Variants in HCFC1 observed in about 807,000 individuals in gnomAD.
The protein encoded by HCFC1 is host cell factor 1.
HCFC1 carries 7 observed loss-of-function variants against 105.5 expected under a neutral mutation model. The ratio of observed to expected loss-of-function variants is 0.07; its 90% CI spans 0.04 to 0.12. The LOEUF is 0.12. Among genes scored for constraint, HCFC1 ranks in the 10% least tolerant of loss-of-function variants. HCFC1 has a pLI of 1.00. For missense variants in HCFC1, 1,065 were observed against 1,823.6 expected, an observed-to-expected ratio of 0.58 and a Z score of 7.58; for synonymous variants, 918 against 828.1, an observed-to-expected ratio of 1.11 and a Z score of -1.86.
intron 16 of HCFC1, 47 bp from the exon 17 acceptor site, chrX:153,955,589 T>A (rs1257058656): frequency 8.9e-7 from 1 of 1,118,269 alleles, no homozygotes; most frequent in African/African-American, 1.8e-5. Flanking sequence ...GCTGGCTGTC[T>A]GCCTGTCCCT....
intron 14 of HCFC1, 49 bp downstream of exon 14, chrX:153,956,869 G>A: frequency 8.3e-7 from 1 of 1,205,587 alleles, no homozygotes. Flanking sequence ...GCGTGCTGGG[G>A]TGGACTGCAC....
intron 2 of HCFC1, 53 bp downstream of exon 2, chrX:153,964,525 C>T (rs1274939134): frequency 3.5e-6 from 4 of 1,141,037 alleles, no homozygotes; most frequent in East Asian, 3.1e-5. Flanking sequence ...AAGCCACTAC[C>T]GTCAGGTCAC....
At position 153,956,788 on chromosome X, in the gene HCFC1, CCAA is replaced by C. The variant is rs782085481; in HGVS notation, c.2497-28_2497-26del. ...CCTGGAACACCAGAGGAAAGTGCCA[CCAA>C]CGTCACCACCAGGCTGGTAGATGCC... On this transcript the variant is annotated intron_variant, in intron 14 of 25. Transcript: ENST00000310441. 31 of 1,208,070 alleles carry C rather than the reference CCAA, an allele frequency of 2.6e-5. No homozygotes were observed. The South Asian group carries it at 5.1e-4, about 20-fold the overall frequency.
chrX:153,956,437 G>A (rs2065377612), intron 15 of HCFC1, 26 bp from the exon 16 acceptor site: 2 of 1,176,348 alleles, frequency 1.7e-6, no homozygotes, highest in Non-Finnish European at 1.2e-6. Flanking sequence ...CAAGAGTTGG[G>A]CCAAGGCTGC....
At chrX:153,965,519 C>A (rs1288491019) in intron 1 of HCFC1, among the ~76,000 whole-genome samples, 1 of 112,909 alleles carries the variant, frequency 8.9e-6, no homozygotes, top group Non-Finnish European at 1.9e-5. Flanking sequence ...CAGGCCAGGG[C>A]TTCCCCGAAA....
chrX:153,958,446 G>A (rs2065398765), intron 10 of HCFC1, 123 bp downstream of exon 10: 2 of 726,569 alleles, frequency 2.8e-6, no homozygotes, highest in Non-Finnish European at 4.2e-6. Context: ...TCTCACCTGA[G>A]GCCATGACGC....
rs782747432 is a variant in HCFC1 at position 153,971,394 on chromosome X, C to A, written c.-554G>T. 4 of 293,160 alleles carry A rather than the reference C, an allele frequency of 1.4e-5. No individual in the cohort carries two copies. Among genetic ancestry groups the A allele is most frequent in the Non-Finnish European group, 2.4e-5 (4 of 168,391 alleles). 24.2% of individuals were successfully genotyped at this position (293,160 alleles called of 1,213,427 possible). ...GAGACCGTCCCGCTTCCCCGCCCAGCGCCTTAGTGCAGCCGCCGCTCCCGA... is the reference window on the plus strand; with the variant it reads ...GAGACCGTCCCGCTTCCCCGCCCAGAGCCTTAGTGCAGCCGCCGCTCCCGA... On this transcript the variant is annotated 5_prime_UTR_variant, in exon 1 of 26. Transcript: ENST00000310441.
chrX:153,965,826 G>C (rs1254784116), intron 1 of HCFC1, among the ~76,000 whole-genome samples: 2 of 112,719 alleles, frequency 1.8e-5, no homozygotes, highest in African/African-American at 6.5e-5. Flanking sequence ...AGTGTTGTGA[G>C]ACCATAGAAG....
chrX:153,957,118 C>T, intron 13 of HCFC1, 58 bp from the exon 14 acceptor site: 1 of 1,147,180 alleles, frequency 8.7e-7, no homozygotes, highest in Non-Finnish European at 1.2e-6. Context: ...CCCCTGCTGC[C>T]CCTAGACTAT....
rs1557112557 is a variant in HCFC1 at position 153,951,699 on chromosome X, G to C, written c.5269C>G (p.Pro1757Ala). The C allele has an allele frequency of 2.5e-6, 3 of 1,207,179 alleles. No individual in the cohort carries two copies. The highest frequency in any genetic ancestry group is 3.4e-6 in the Non-Finnish European group (3 of 893,152). ...TGGGGGGCCACAAATGTGTTGGATGGAGCCAGGCCTAGGAAGAAAGAAGGT... is the reference window on the plus strand; with the variant it reads ...TGGGGGGCCACAAATGTGTTGGATGCAGCCAGGCCTAGGAAGAAAGAAGGT... ...LPSTATESLA[P>A]SNTFVAPQPV... Residue 1757 changes from proline to alanine, a missense_variant, in exon 21 of 26, where the codon CCA becomes GCA. Physicochemically the swap from Pro to Ala is conservative, Grantham distance 27. Transcript: ENST00000310441.
intron 8 of HCFC1, 137 bp from the exon 9 acceptor site, chrX:153,959,628 AT>A: frequency 2.1e-6 from 2 of 953,462 alleles, no homozygotes; most frequent in Non-Finnish European, 2.9e-6. Flanking sequence ...GAGAGTGACC[AT>A]TTCCACAGGT....
chrX:153,964,091 C>CG, intron 3 of HCFC1, 33 bp downstream of exon 3: 2 of 1,165,915 alleles, frequency 1.7e-6, no homozygotes, highest in South Asian at 1.9e-5. Context: ...CACACCCACC[C>CG]GGGGGGTTCC....
In HCFC1 at chrX:153,970,848, G is replaced by A. The variant is rs782028319; in HGVS notation, c.-8C>T. 4.4e-6 allele frequency: 5 copies of A among 1,148,187 alleles called. No individual in the cohort carries two copies. The highest frequency in any genetic ancestry group is 5.8e-6 in the Non-Finnish European group (5 of 866,204). The allele number at this position is 1,148,187 out of a possible 1,213,427, so 94.6% of individuals were successfully genotyped here. A position where few individuals can be genotyped will look rare whatever the true frequency, so the allele number is the denominator to read the frequency against. ...CGACACGGCCGAAGCCATAGTTCCG[G>A]GAAAGGGTGCGGTGGGGAGAAGTCA... On this transcript the variant is annotated 5_prime_UTR_variant, in exon 1 of 26. Transcript: ENST00000310441.
rs1557114042 is a variant in HCFC1 at position 153,954,733 on chromosome X, G to A, written c.3666C>T (p.Ser1222=). ...CCGCAGGAAGGTCCTTAATGCTTGGGCTGCTCAGCCTGACTTTGCTGCTCA... is the reference window on the plus strand; with the variant it reads ...CCGCAGGAAGGTCCTTAATGCTTGGACTGCTCAGCCTGACTTTGCTGCTCA... ...APLSSKVRLS[S]PSIKDLPAGR... Residue 1222 remains serine, a synonymous_variant, in exon 17 of 26, where the codon AGC becomes AGT. Transcript: ENST00000310441. 7 of 1,181,796 alleles carry A rather than the reference G, an allele frequency of 5.9e-6. No individual in the cohort carries two copies. The Admixed American group carries it at 1.5e-4, about 25-fold the overall frequency.
chrX:153,970,937 C>A lies in HCFC1; in HGVS notation c.-97G>T. On this transcript the variant is annotated 5_prime_UTR_variant, in exon 1 of 26. Coordinates refer to ENST00000310441, the MANE Select transcript of HCFC1 (RefSeq NM_005334.3). ...CCCCTTTCGTCTAAGGCAGCTCTCACGGAGAAGCGGTTTCTCACACAGCGG... is the reference window on the plus strand; with the variant it reads ...CCCCTTTCGTCTAAGGCAGCTCTCAAGGAGAAGCGGTTTCTCACACAGCGG... The A allele has an allele frequency of 4.0e-6, 3 of 746,686 alleles. No homozygotes were observed. The highest frequency in any genetic ancestry group is 2.2e-5 in the African/African-American group (1 of 46,403). The allele number at this position is 746,686 out of a possible 1,213,427, so 61.5% of individuals were successfully genotyped here. A position where few individuals can be genotyped will look rare whatever the true frequency, so the allele number is the denominator to read the frequency against.
rs1557113105 is a variant in HCFC1, at chrX:153,952,970, C to T, written c.4498-12G>A. The T allele has an allele frequency of 8.6e-7, 1 of 1,157,894 alleles. No homozygotes were observed. The highest frequency in any genetic ancestry group is 1.2e-6 in the Non-Finnish European group (1 of 863,558). ...AGTTCCTCTGGGGGCTGCAGGATGT[C>T]AACAGCAGAGAAGGGCATGTCAGAA... On this transcript the variant is annotated splice_polypyrimidine_tract_variant and intron_variant, in intron 18 of 25. Transcript: ENST00000310441.
In HCFC1 at chrX:153,949,570, G is replaced by A; in HGVS notation, c.6051C>T (p.Pro2017=). 10 of 1,211,096 alleles carry A rather than the reference G, an allele frequency of 8.3e-6. No homozygotes were observed. The highest frequency in any genetic ancestry group is 1.1e-5 in the Non-Finnish European group (10 of 894,697). ...SSGTKPANKR[P]MSSPEMKSAP... ...CTGCTTACATTTCTGGAGAGGACAT[G>A]GGCCGCTTGTTGGCTGGCTTGGTGC... is the stretch of plus-strand genomic sequence containing the variant. The change falls in exon 25 of 26, where the codon CCC becomes CCT. Residue 2017 remains proline (P), a synonymous_variant. Transcript: ENST00000310441.
chrX:153,959,270 C>T (rs2065406506), intron 9 of HCFC1, 61 bp downstream of exon 9: 1 of 1,122,586 alleles, frequency 8.9e-7, no homozygotes, highest in African/African-American at 1.8e-5. Context: ...CCTCAGTACA[C>T]TTGCAACTTA....
At chrX:153,951,810 C>T (rs782033598) in intron 20 of HCFC1, 31 bp downstream of exon 20, 1 of 1,175,341 alleles carries the variant, frequency 8.5e-7, no homozygotes, top group Admixed American at 2.3e-5. Context: ...GCCCCCACCA[C>T]CCCAGCACCA....
Sources: allele counts gnomAD v4.1 joint callset (sites outside exome capture counted in the v4.1 genomes callset), GRCh38; gene constraint gnomAD v4.1.1; transcripts MANE v1.5; gene names NCBI Gene and HGNC (gene_info 2026-07-23, HGNC 2026-07-21).